The following MEF2A variants were observed in gnomAD, a reference collection of about 807,000 sequenced individuals.
MEF2A encodes myocyte enhancer factor 2A, also known as myocyte-specific enhancer factor 2A.
In MEF2A, 28 loss-of-function variants were observed where a neutral mutation model predicts 55.8. The ratio of observed to expected loss-of-function variants is 0.50; its 90% confidence interval spans 0.37 to 0.69. MEF2A has a LOEUF of 0.69. Ranked by LOEUF, MEF2A falls within the 30% of genes least tolerant of loss-of-function variation. The pLI is 0.00. For missense variants in MEF2A, 528 were observed against 626.2 expected (o/e 0.84, Z 1.67); for synonymous variants, 239 against 227.1 (o/e 1.05, Z -0.47).
chr15:99,630,390 T>C (rs1596605364), intron 2 of MEF2A, among the ~76,000 whole-genome samples: 1 of 152,300 alleles, frequency 6.6e-6, no homozygotes, highest in South Asian at 2.1e-4. Context: ...ATCCATCACT[T>C]CTTTTTCAAA....
intron 7 of MEF2A, 149 bp downstream of exon 7, chr15:99,675,607 T>C: frequency 1.5e-6 from 1 of 647,030 alleles, no homozygotes. Flanking sequence ...GGGGAGACTT[T>C]CTCTAACTTC....
chr15:99,615,267 T>G (rs1019927759), intron 2 of MEF2A, among the ~76,000 whole-genome samples: 3 of 152,206 alleles, frequency 2.0e-5, no homozygotes, highest in African/African-American at 7.2e-5. Flanking sequence ...GGCTGAGGCC[T>G]TTGCAGTAGG....
chr15:99,690,549 T>A, intron 8 of MEF2A, 121 bp downstream of exon 8: 1 of 874,818 alleles, frequency 1.1e-6, no homozygotes, highest in Non-Finnish European at 1.9e-6. Flanking sequence ...CTAATAAATA[T>A]TTCCATTCAA....
chr15:99,572,763 T>G (rs1318911713), intron 1 of MEF2A, among the ~76,000 whole-genome samples: 1 of 152,264 alleles, frequency 6.6e-6, no homozygotes, highest in African/African-American at 2.4e-5. Flanking sequence ...TTTTTTGCTC[T>G]TGCTCTTGTG....
At position 99,714,655 on chromosome 15, in the gene MEF2A, A is replaced by G. The variant is rs2058979921; in HGVS notation, c.*1884A>G. On this transcript the variant is annotated 3_prime_UTR_variant, in exon 12 of 12. Coordinates refer to ENST00000557942, the MANE Select transcript of MEF2A (RefSeq NM_001319206.4). ...TTCATCCACTTACTGGGCTTGTGCC[A>G]TGAGCAAAATTCAAAGTCCTGTATA... The G allele has an allele frequency of 6.6e-6, 1 of 152,198 alleles. No individual in the cohort carries two copies. 9.4% of individuals were successfully genotyped at this position (152,198 alleles called of 1,614,324 possible).
In MEF2A at chr15:99,671,654, C is replaced by T. The variant is rs775054956; in HGVS notation, c.390+200C>T. 100 of 1,577,004 alleles carry T rather than the reference C, an allele frequency of 6.3e-5. 1 individual carries two copies. The highest frequency in any genetic ancestry group is 3.3e-4 in the South Asian group (29 of 86,704). Reference sequence around the variant, plus strand: ...ATAATATGATGCGGAATCATAAAATCGCAGTGAGTACTAAAGTATGGTTTG... The same window carrying T: ...ATAATATGATGCGGAATCATAAAATTGCAGTGAGTACTAAAGTATGGTTTG... On this transcript the variant is annotated intron_variant, in intron 5 of 11. Transcript: ENST00000557942.
chr15:99,587,205 C>T (rs1337116708), intron 1 of MEF2A, among the ~76,000 whole-genome samples: 1 of 152,090 alleles, frequency 6.6e-6, no homozygotes, highest in Non-Finnish European at 1.5e-5. Flanking sequence ...TATCCCTCCC[C>T]TTGTCCCCCA....
intron 7 of MEF2A, among the ~76,000 whole-genome samples, chr15:99,683,951 A>C (rs1009062938): frequency 4.6e-5 from 7 of 152,076 alleles, no homozygotes; most frequent in Non-Finnish European, 1.0e-4. Flanking sequence ...AAGTGAAAAC[A>C]TGTGATGTTT....
At chr15:99,635,292 T>TA (rs1317919659) in intron 3 of MEF2A, among the ~76,000 whole-genome samples, 1 of 152,166 alleles carries the variant, frequency 6.6e-6, no homozygotes, top group African/African-American at 2.4e-5. Flanking sequence ...ACTAGCAAGA[T>TA]AAAAATCACA....
At chr15:99,575,781 T>A (rs1168006907) in intron 1 of MEF2A, among the ~76,000 whole-genome samples, 1 of 152,234 alleles carries the variant, frequency 6.6e-6, no homozygotes. Flanking sequence ...CATTTATTAG[T>A]GGGCATTCTA....
chr15:99,700,650 G>C (rs1229078891), intron 8 of MEF2A, among the ~76,000 whole-genome samples: 1 of 152,070 alleles, frequency 6.6e-6, no homozygotes, highest in Non-Finnish European at 1.5e-5. Flanking sequence ...TTTAGTTTCA[G>C]AACACCATTT....
intron 1 of MEF2A, among the ~76,000 whole-genome samples, chr15:99,567,626 ACTGTGT>A (rs1960252147): frequency 8.2e-6 from 1 of 122,014 alleles, no homozygotes; most frequent in African/African-American, 3.3e-5. Context: ...TTTTGTATGT[ACTGTGT>A]GTGTGTGTGT....
At chr15:99,610,040 G>C (rs1012498605) in intron 2 of MEF2A, among the ~76,000 whole-genome samples, 1 of 151,788 alleles carries the variant, frequency 6.6e-6, no homozygotes. Context: ...CTATTTAGAG[G>C]ACCCAGGGTA....
At chr15:99,687,876 A>G (rs1233027455) in intron 7 of MEF2A, among the ~76,000 whole-genome samples, 2 of 152,210 alleles carry the variant, frequency 1.3e-5, no homozygotes, top group South Asian at 2.1e-4. Context: ...ACAGTACTGT[A>G]TACATAATAG....
In MEF2A at chr15:99,714,454, C is replaced by T. The variant is rs1193749704; in HGVS notation, c.*1683C>T. The T allele has an allele frequency of 2.6e-5, 4 of 152,294 alleles. No homozygotes were observed. The highest frequency in any genetic ancestry group is 4.4e-5 in the Non-Finnish European group (3 of 68,024). The allele number at this position is 152,294 out of a possible 1,614,324, so 9.4% of individuals were successfully genotyped here. A position where few individuals can be genotyped will look rare whatever the true frequency, so the allele number is the denominator to read the frequency against. On this transcript the variant is annotated 3_prime_UTR_variant, in exon 12 of 12. Coordinates refer to ENST00000557942, the MANE Select transcript of MEF2A (RefSeq NM_001319206.4). ...GATGCAGCTGGTTACAAAATCCTACCGTTATCAGCTCTTCTGCACATTGCA... is the reference window on the plus strand; with the variant it reads ...GATGCAGCTGGTTACAAAATCCTACTGTTATCAGCTCTTCTGCACATTGCA...
At chr15:99,658,665 A>G (rs1292135748) in intron 4 of MEF2A, among the ~76,000 whole-genome samples, 2 of 152,212 alleles carry the variant, frequency 1.3e-5, no homozygotes, top group Non-Finnish European at 2.9e-5. Context: ...AAACAAAGAC[A>G]AGAAAGACGT....
At chr15:99,579,455 C>T (rs765385996) in intron 1 of MEF2A, among the ~76,000 whole-genome samples, 3 of 152,016 alleles carry the variant, frequency 2.0e-5, no homozygotes, top group Non-Finnish European at 2.9e-5. Context: ...AATGCAGTGG[C>T]GTGATCTCAG....
chr15:99,679,032 AAGAG>A (rs1333406661), intron 7 of MEF2A, among the ~76,000 whole-genome samples: 1 of 152,204 alleles, frequency 6.6e-6, no homozygotes, highest in Admixed American at 6.5e-5. Flanking sequence ...TTAAACCACA[AAGAG>A]AGAACACTGC....
intron 2 of MEF2A, among the ~76,000 whole-genome samples, chr15:99,601,748 T>C (rs1047798370): frequency 1.3e-5 from 2 of 152,050 alleles, no homozygotes; most frequent in African/African-American, 4.8e-5. Flanking sequence ...TAAAATTGCG[T>C]TGACTCTTTT....
Sources: gnomAD v4.1 joint callset for allele counts (sites outside exome capture counted in the v4.1 genomes callset) on GRCh38, gnomAD v4.1.1 for gene constraint, MANE v1.5 for transcripts, NCBI Gene and HGNC (gene_info 2026-07-23, HGNC 2026-07-21) for gene names.